LRRK1: variants seen among roughly 807,000 people sequenced by gnomAD.
LRRK1 encodes leucine rich repeat kinase 1.
LRRK1 carries 113 observed loss-of-function variants against 209.1 expected under a neutral mutation model. The observed-to-expected ratio is 0.54, with a 90% confidence interval of 0.46 to 0.63. The LOEUF (loss-of-function observed/expected upper bound fraction) is 0.63, where lower values mean the gene tolerates loss of function less well. LRRK1 is among the 30% of genes least tolerant of loss of function. The probability of loss-of-function intolerance (pLI) is 0.00; values close to 1 mark genes in which losing one functional copy is unlikely to be tolerated. For synonymous variants in LRRK1, 1,144 were observed against 1,099.7 expected, an observed-to-expected ratio of 1.04 and a Z score of -0.80; for missense variants, 2,284 against 2,632.2, an observed-to-expected ratio of 0.87 and a Z score of 2.89.
intron 6 of LRRK1, among the ~76,000 whole-genome samples, chr15:101,003,263 C>G (rs921616908): frequency 8.5e-5 from 13 of 152,178 alleles, no homozygotes; most frequent in Admixed American, 5.2e-4. Context: ...CAGACTTCTG[C>G]TTTTTACCAC....
intron 3 of LRRK1, among the ~76,000 whole-genome samples, chr15:100,980,079 T>A (rs2031514842): frequency 6.6e-6 from 1 of 152,118 alleles, no homozygotes; most frequent in Admixed American, 6.6e-5. Flanking sequence ...TCCTGAACAT[T>A]TAGTCTAGAG....
At chr15:100,942,602 A>G (rs1596175792) in intron 2 of LRRK1, among the ~76,000 whole-genome samples, 1 of 152,236 alleles carries the variant, frequency 6.6e-6, no homozygotes, top group Admixed American at 6.5e-5. Context: ...CTAATCATCA[A>G]AATTAAAGCT....
At chr15:101,013,539 A>AGGGG (rs1424692205) in intron 10 of LRRK1, among the ~76,000 whole-genome samples, 1 of 152,214 alleles carries the variant, frequency 6.6e-6, no homozygotes, top group Non-Finnish European at 1.5e-5. Context: ...GCTTGAGGCC[A>AGGGG]GGAGTTTGAG....
intron 2 of LRRK1, among the ~76,000 whole-genome samples, chr15:100,933,683 A>G (rs746256113): frequency 6.6e-6 from 1 of 151,846 alleles, no homozygotes; most frequent in Non-Finnish European, 1.5e-5. Context: ...TTAGCCGGGT[A>G]TGGTGGCACA....
chr15:100,984,973 T>G (rs1273808452), intron 4 of LRRK1, among the ~76,000 whole-genome samples: 2 of 152,186 alleles, frequency 1.3e-5, no homozygotes, highest in Admixed American at 1.3e-4. Context: ...CGTTTAATAC[T>G]CTGTACTCAC....
intron 29 of LRRK1, 59 bp downstream of exon 29, chr15:101,058,200 A>G: frequency 1.3e-6 from 2 of 1,553,858 alleles, no homozygotes; most frequent in East Asian, 2.3e-5. Flanking sequence ...CCGCCGTGGA[A>G]TCTGGGAACA....
chr15:100,942,861 T>C (rs2042468169), intron 2 of LRRK1, among the ~76,000 whole-genome samples: 1 of 152,094 alleles, frequency 6.6e-6, no homozygotes, highest in South Asian at 2.1e-4. Context: ...CTGCTCACAG[T>C]GGGCGGGTGG....
chr15:100,932,247 A>G (rs983601249), intron 2 of LRRK1, among the ~76,000 whole-genome samples: 1 of 152,066 alleles, frequency 6.6e-6, no homozygotes, highest in Non-Finnish European at 1.5e-5. Flanking sequence ...CGGCCTCCCA[A>G]AGTGCTGAGA....
In LRRK1 at chr15:101,077,169, TA is replaced by T. The variant is rs1163311444; in HGVS notation, c.*8322del. 1 of 152,258 alleles carries T rather than the reference TA, an allele frequency of 6.6e-6. No homozygotes were observed. The highest frequency in any genetic ancestry group is 1.5e-5 in the Non-Finnish European group (1 of 68,046). 9.4% of individuals were successfully genotyped at this position (152,258 alleles called of 1,614,324 possible). ...GAATTCAGGCCTGTCCTTGGAATGC[TA>T]CAAGGTACAGCCCATTTGAGCTCCT... On this transcript the variant is annotated 3_prime_UTR_variant, in exon 34 of 34. Coordinates refer to ENST00000388948, the MANE Select transcript of LRRK1 (RefSeq NM_024652.6).
At chr15:101,018,829 AAAG>A (rs773377361) in intron 12 of LRRK1, among the ~76,000 whole-genome samples, 1 of 152,198 alleles carries the variant, frequency 6.6e-6, no homozygotes, top group Non-Finnish European at 1.5e-5. Flanking sequence ...ACCTGAGTGA[AAAG>A]AAGGCGGCTC....
chr15:100,949,140 C>T (rs2042597490), intron 2 of LRRK1, among the ~76,000 whole-genome samples: 1 of 151,880 alleles, frequency 6.6e-6, no homozygotes, highest in South Asian at 2.1e-4. Context: ...TTAGAATGAC[C>T]TTAAAAATAA....
rs143758910 is a variant in LRRK1 at position 100,969,092 on chromosome 15, G to T, written c.98-4712G>T. On this transcript the variant is annotated intron_variant, in intron 2 of 33. Coordinates refer to ENST00000388948, the MANE Select transcript of LRRK1 (RefSeq NM_024652.6). ...TAGGCTCAATGGATACACCCACCTT[G>T]GCCTTCCAAATTGCTGGGATTACAG... is the stretch of plus-strand genomic sequence containing the variant. 9.2e-5 allele frequency among the ~76,000 whole-genome samples: 14 copies of T among 152,204 alleles called. No individual in the cohort carries two copies. The East Asian group carries it at 2.7e-3, about 29-fold the overall frequency.
At position 100,929,054 on chromosome 15, in the gene LRRK1, C is replaced by T. The variant is rs190246568; in HGVS notation, c.97+4325C>T. Among the ~76,000 whole-genome samples the T allele has an allele frequency of 4.9e-3, 743 of 152,242 alleles. 6 individuals carry two copies. The highest frequency in any genetic ancestry group is 0.039 in the South Asian group (187 of 4,818). On this transcript the variant is annotated intron_variant, in intron 2 of 33. Coordinates refer to ENST00000388948, the MANE Select transcript of LRRK1 (RefSeq NM_024652.6). ...GATGCTGGGCATGGGCTGCAGGACG[C>T]GCATTACTTTGACAAACATGTCATT...
chr15:101,068,509 G>T (rs1481296404), intron 33 of LRRK1, among the ~76,000 whole-genome samples, 162 bp from the exon 34 acceptor site: 1 of 152,204 alleles, frequency 6.6e-6, no homozygotes, highest in Non-Finnish European at 1.5e-5. Flanking sequence ...GGCCACTGGG[G>T]AGAAGTGGTG....
At position 101,038,638 on chromosome 15, in the gene LRRK1, C is replaced by T. The variant is rs1040971960; in HGVS notation, c.2964-7343C>T. ...CTCAGCCTAGCAGGCTGCCTTGCTTCCTTGTCCTTCCTTGCCTTAGGTATT... is the reference window on the plus strand; with the variant it reads ...CTCAGCCTAGCAGGCTGCCTTGCTTTCTTGTCCTTCCTTGCCTTAGGTATT... On this transcript the variant is annotated intron_variant, in intron 20 of 33. Coordinates refer to ENST00000388948, the MANE Select transcript of LRRK1 (RefSeq NM_024652.6). Among the ~76,000 whole-genome samples, 5 of 152,344 alleles carry T rather than the reference C, an allele frequency of 3.3e-5. No homozygotes were observed. In the East Asian group the frequency reaches 9.6e-4, roughly 29 times the overall value.
At chr15:101,002,826 C>T (rs900418326) in intron 6 of LRRK1, among the ~76,000 whole-genome samples, 3 of 152,166 alleles carry the variant, frequency 2.0e-5, no homozygotes, top group South Asian at 4.1e-4. Context: ...TTCCATCTCC[C>T]GGGTTCAAGT....
At position 101,029,103 on chromosome 15, in the gene LRRK1, A is replaced by C; in HGVS notation, c.2834A>C (p.Lys945Thr). Residue 945 changes from lysine (K) to threonine (T), a missense_variant, in exon 20 of 34, where the codon AAG becomes ACG. Around this residue, in one of 6 missense-constraint regions of LRRK1, gnomAD observed 780 missense variants for 985.2 expected, o/e 0.79. Coordinates refer to ENST00000388948, the MANE Select transcript of LRRK1 (RefSeq NM_024652.6). ...FNIKGSRSVAKNGVIRAEDLR... is the reference protein window; with the variant it reads ...FNIKGSRSVATNGVIRAEDLR... ...ATTAAGGGCTCTCGGTCAGTGGCCA[A>C]GAATGGGGTGATCAGAGCAGAAGAC... 6.2e-7 allele frequency: 1 copy of C among 1,614,210 alleles called. No homozygotes were observed.
intron 6 of LRRK1, among the ~76,000 whole-genome samples, chr15:100,998,235 T>C (rs899899451): frequency 1.3e-5 from 2 of 148,994 alleles, no homozygotes; most frequent in African/African-American, 4.9e-5. Context: ...GGAAAGACTA[T>C]ACCATCCATG....
At chr15:100,956,428 C>G (rs1452739578) in intron 2 of LRRK1, among the ~76,000 whole-genome samples, 2 of 85,594 alleles carry the variant, frequency 2.3e-5, no homozygotes, top group African/African-American at 5.6e-5. Context: ...AAAACTCTTA[C>G]TTTCGCTTTT....
Sources: gnomAD v4.1 joint callset for allele counts (sites outside exome capture counted in the v4.1 genomes callset) on GRCh38, gnomAD v4.1.1 for gene constraint, gnomAD v4.1.1 regional missense constraint, MANE v1.5 for transcripts, NCBI Gene and HGNC (gene_info 2026-07-23, HGNC 2026-07-21) for gene names.